The following QSOX1 variants were observed in gnomAD, a reference collection of about 807,000 sequenced individuals.
QSOX1 encodes the protein quiescin sulfhydryl oxidase 1.
QSOX1 carries 40 observed loss-of-function variants against 76.1 expected under a neutral mutation model. That is an observed-to-expected ratio of 0.53 (90% CI 0.41 to 0.68). The LOEUF is 0.68. QSOX1 is among the 30% of genes least tolerant of loss of function. The pLI is 0.00. For synonymous variants in QSOX1, 392 were observed against 413.1 expected, an observed-to-expected ratio of 0.95 and a Z score of 0.62; for missense variants, 931 against 974.3, an observed-to-expected ratio of 0.96 and a Z score of 0.59.
intron 4 of QSOX1, among the ~76,000 whole-genome samples, chr1:180,176,368 A>G (rs1662891861): frequency 6.6e-6 from 1 of 152,168 alleles, no homozygotes; most frequent in Admixed American, 6.5e-5. Flanking sequence ...CTTCCCTCAA[A>G]ATGTTTGCGG....
At chr1:180,190,329 G>A (rs1021032841) in intron 9 of QSOX1, 104 bp from the exon 10 acceptor site, 7 of 1,308,872 alleles carry the variant, frequency 5.3e-6, no homozygotes, top group Middle Eastern at 1.9e-4. Context: ...GTGATAGACT[G>A]AGGGACCTCA....
chr1:180,189,715 A>G (rs770523893), intron 9 of QSOX1, 41 bp downstream of exon 9: 56 of 1,596,272 alleles, frequency 3.5e-5, no homozygotes, highest in Non-Finnish European at 4.4e-5. Flanking sequence ...CATCCTCCGT[A>G]TTTATGAGAG....
At chr1:180,191,858 C>T (rs12741050) in intron 10 of QSOX1, among the ~76,000 whole-genome samples, 18,633 of 152,000 alleles carry the variant, frequency 0.12, 1,755 homozygotes, top group African/African-American at 0.26. Flanking sequence ...AGCCAGTAGA[C>T]GTCTGTTGTC....
Position 180,154,919 on chromosome 1 carries a change from C to A in QSOX1, c.12C>A (p.Cys4Ter). 1 of 1,461,864 alleles carries A rather than the reference C, an allele frequency of 6.8e-7. No individual in the cohort carries two copies. Among genetic ancestry groups the A allele is most frequent in the South Asian group, 1.3e-5 (1 of 74,336 alleles). 90.6% of individuals were successfully genotyped at this position (1,461,864 alleles called of 1,614,324 possible). The change falls in exon 1 of 12, where the codon TGC becomes TGA. Residue 4 changes from cysteine to a stop codon, truncating the protein, a stop_gained. Transcript: ENST00000367602. LOFTEE classifies it high-confidence loss of function. ...GCGCAGCGCCGAGGATGAGGAGGTG[C>A]AACAGCGGCTCCGGGCCGCCGCCGT... MRR[C>*]NSGSGPPPSL...
chr1:180,194,997 G>GGGA (rs112740591), intron 11 of QSOX1, among the ~76,000 whole-genome samples: 3 of 137,728 alleles, frequency 2.2e-5, no homozygotes, highest in East Asian at 3.0e-4. Flanking sequence ...ACAGCCTCCC[G>GGGA]GGGGGGGGAG....
intron 1 of QSOX1, among the ~76,000 whole-genome samples, chr1:180,157,226 G>A (rs1041966973): frequency 9.8e-5 from 15 of 152,360 alleles, no homozygotes; most frequent in Admixed American, 2.0e-4. Flanking sequence ...GGAAACTGGA[G>A]GTCTCCTGTG....
At chr1:180,192,718 A>G (rs970111750) in intron 10 of QSOX1, among the ~76,000 whole-genome samples, 2 of 152,140 alleles carry the variant, frequency 1.3e-5, no homozygotes, top group Admixed American at 6.5e-5. Flanking sequence ...CTTTGTGTCA[A>G]TAGACCTCCC....
intron 2 of QSOX1, among the ~76,000 whole-genome samples, 179 bp downstream of exon 2, chr1:180,166,770 T>A (rs1662641288): frequency 6.6e-6 from 1 of 152,274 alleles, no homozygotes; most frequent in East Asian, 1.9e-4. Context: ...CTTCAATTGC[T>A]CTCCCTCTTG....
In QSOX1 at chr1:180,196,978, A is replaced by C. The variant is rs1289553184; in HGVS notation, c.2185A>C (p.Thr729Pro). Residue 729 changes from threonine to proline, a missense_variant, in exon 12 of 12, where the codon ACC becomes CCC. Thr to Pro is a conservative substitution (Grantham distance 38). Transcript: ENST00000367602. The surrounding 1 kb of genome is among the most constrained non-coding windows in gnomAD (Gnocchi z 4.1). ...CTTCATGGGCCTGCTGGCCATGTAC[A>C]CCTACTTCCAGGCCAAGATAAGGGC... ...LSFMGLLAMY[T>P]YFQAKIRALK... is the part of the protein sequence containing the mutation. 2 of 1,612,084 alleles carry C rather than the reference A, an allele frequency of 1.2e-6. No homozygotes were observed. Among genetic ancestry groups the C allele is most frequent in the South Asian group, 1.1e-5 (1 of 90,874 alleles).
intron 2 of QSOX1, among the ~76,000 whole-genome samples, chr1:180,171,933 C>T (rs1044418036): frequency 6.6e-6 from 1 of 152,132 alleles, no homozygotes; most frequent in Non-Finnish European, 1.5e-5. Flanking sequence ...AACATCTGTA[C>T]CAGAGAGAGG....
intron 5 of QSOX1, 106 bp from the exon 6 acceptor site, chr1:180,182,068 G>A (rs191058568): frequency 8.7e-7 from 1 of 1,145,028 alleles, no homozygotes. Context: ...AGTCTGGAAG[G>A]AGCACAGCTG....
intron 1 of QSOX1, among the ~76,000 whole-genome samples, chr1:180,163,682 G>A (rs1239257119): frequency 2.6e-5 from 4 of 152,148 alleles, no homozygotes; most frequent in Admixed American, 6.5e-5. Flanking sequence ...TTAATTTAAC[G>A]TAAAATAACC....
Position 180,196,947 on chromosome 1 carries a change from C to A in QSOX1, c.2154C>A (p.Ser718=). 5 of 1,609,010 alleles carry A rather than the reference C, an allele frequency of 3.1e-6. No homozygotes were observed. The highest frequency in any genetic ancestry group is 4.2e-6 in the Non-Finnish European group (5 of 1,176,932). ...TCAGCCTCTGTGTGGGGCTCTATTC[C>A]CTGTCCTTCATGGGCCTGCTGGCCA... The part of the protein sequence containing the change: ...LDISLCVGLY[S]LSFMGLLAMY... The change falls in exon 12 of 12, where the codon TCC becomes TCA. Residue 718 remains serine (S), a synonymous_variant. Coordinates refer to ENST00000367602, the MANE Select transcript of QSOX1 (RefSeq NM_002826.5). This position sits in a 1 kb window ranked among gnomAD's most constrained non-coding sequence, Gnocchi z 4.1.
At chr1:180,167,402 G>A (rs904168700) in intron 2 of QSOX1, among the ~76,000 whole-genome samples, 1 of 152,202 alleles carries the variant, frequency 6.6e-6, no homozygotes, top group African/African-American at 2.4e-5. Flanking sequence ...GGATTATTAG[G>A]AAATGCCTTT....
chr1:180,191,308 C>T (rs960702859), intron 10 of QSOX1, among the ~76,000 whole-genome samples: 1 of 152,124 alleles, frequency 6.6e-6, no homozygotes, highest in African/African-American at 2.4e-5. Context: ...GGGCTAGGGC[C>T]GTGGTGGAGA....
At position 180,197,469 on chromosome 1, in the gene QSOX1, G is replaced by T; in HGVS notation, c.*432G>T. On this transcript the variant is annotated 3_prime_UTR_variant, in exon 12 of 12. Transcript: ENST00000367602. ...GGAATGGAACTCCTCACTAGCTGCT[G>T]GGGCTCCGCCCACCCTGCTCCCTTC... The T allele has an allele frequency of 7.1e-7, 1 of 1,407,306 alleles. No homozygotes were observed. 87.2% of individuals were successfully genotyped at this position (1,407,306 alleles called of 1,614,324 possible).
At chr1:180,180,617 C>T (rs1382131472) in intron 5 of QSOX1, among the ~76,000 whole-genome samples, 5 of 152,234 alleles carry the variant, frequency 3.3e-5, no homozygotes, top group African/African-American at 1.2e-4. Context: ...CAGGTTCATG[C>T]CATTCTCCTG....
chr1:180,184,269 G>C (rs955095714), intron 7 of QSOX1, among the ~76,000 whole-genome samples: 1 of 152,168 alleles, frequency 6.6e-6, no homozygotes, highest in Non-Finnish European at 1.5e-5. Flanking sequence ...TGTCTGTTGC[G>C]GGGCCGGGGC....
At position 180,189,822 on chromosome 1, in the gene QSOX1, CTA is replaced by C; in HGVS notation, c.1140+150_1140+151del. 9 of 844,474 alleles carry C rather than the reference CTA, an allele frequency of 1.1e-5. No homozygotes were observed. In the South Asian group the frequency reaches 1.1e-4, roughly 10 times the overall value. The allele number at this position is 844,474 out of a possible 1,614,324, so 52.3% of individuals were successfully genotyped here. A position where few individuals can be genotyped will look rare whatever the true frequency, so the allele number is the denominator to read the frequency against. On this transcript the variant is annotated intron_variant, in intron 9 of 11. Coordinates refer to ENST00000367602, the MANE Select transcript of QSOX1 (RefSeq NM_002826.5). ...GGTCCTAACAATAATCAATAAATGA[CTA>C]TTGATTGAGCTCTCTATGCGCACAT...
Sources: gnomAD v4.1 joint callset for allele counts (sites outside exome capture counted in the v4.1 genomes callset) on GRCh38, gnomAD v4.1.1 for gene constraint, Gnocchi (gnomAD v3.1) non-coding constraint, MANE v1.5 for transcripts, NCBI Gene and HGNC (gene_info 2026-07-23, HGNC 2026-07-21) for gene names.